Variants in PLEKHG1 observed in about 807,000 individuals in gnomAD.
PLEKHG1 encodes the protein pleckstrin homology and RhoGEF domain containing G1.
In PLEKHG1, 44 loss-of-function variants were observed where a neutral mutation model predicts 100.8. The ratio of observed to expected loss-of-function variants is 0.44; its 90% CI spans 0.34 to 0.56. The LOEUF is 0.56. Ranked by LOEUF, PLEKHG1 falls within the 20% of genes least tolerant of loss-of-function variation. The pLI is 0.01. For synonymous variants in PLEKHG1, 640 were observed against 662.5 expected, an observed-to-expected ratio of 0.97 and a Z score of 0.52; for missense variants, 1,545 against 1,720.9, an observed-to-expected ratio of 0.90 and a Z score of 1.81.
chr6:150,603,099 A>AAAAAG (rs1246228646), intron 1 of PLEKHG1, among the ~76,000 whole-genome samples: 2 of 148,240 alleles, frequency 1.3e-5, no homozygotes, highest in Admixed American at 6.8e-5. Context: ...AAAAATAAAA[A>AAAAAG]AAAAGAAAAG....
intron 1 of PLEKHG1, among the ~76,000 whole-genome samples, chr6:150,732,000 C>T (rs566720389): frequency 0.012 from 1,643 of 137,918 alleles, 35 homozygotes; most frequent in African/African-American, 0.041. Flanking sequence ...CTCTCTCTGT[C>T]GCCCAGTCTG....
At chr6:150,737,850 CTAGAGTG>C (rs1782655546) in intron 2 of PLEKHG1, among the ~76,000 whole-genome samples, 1 of 151,956 alleles carries the variant, frequency 6.6e-6, no homozygotes, top group Non-Finnish European at 1.5e-5. Context: ...ATCACCCAGG[CTAGAGTG>C]CAGTGGCACG....
At chr6:150,821,217 A>G (rs369693017) in exon 13 of PLEKHG1, 4 of 1,612,632 alleles carry the variant, frequency 2.5e-6, no homozygotes, top group East Asian at 2.2e-5. Context: ...GGTCACATAA[A>G]GTTTTGAAGA....
At chr6:150,776,089 A>C (rs1452384085) in intron 3 of PLEKHG1, among the ~76,000 whole-genome samples, 1 of 152,210 alleles carries the variant, frequency 6.6e-6, no homozygotes, top group South Asian at 2.1e-4. Context: ...CCTGCCTCAA[A>C]GTTCGCATCA....
chr6:150,750,427 G>A (rs1783439211), intron 2 of PLEKHG1, among the ~76,000 whole-genome samples: 1 of 152,162 alleles, frequency 6.6e-6, no homozygotes, highest in Non-Finnish European at 1.5e-5. Context: ...AAGTTCTGCA[G>A]ATTCCAGTAG....
chr6:150,681,151 C>T (rs9480529), intron 3 of PLEKHG1, among the ~76,000 whole-genome samples: 27,707 of 152,074 alleles, frequency 0.18, 2,600 homozygotes, highest in South Asian at 0.26. Context: ...TGGGAGTTAG[C>T]GAGTGGTCGG....
intron 3 of PLEKHG1, among the ~76,000 whole-genome samples, chr6:150,671,106 T>A (rs1729088047): frequency 1.3e-5 from 2 of 151,758 alleles, no homozygotes; most frequent in Admixed American, 1.3e-4. Context: ...TATATATATA[T>A]ATATACACAC....
intron 3 of PLEKHG1, among the ~76,000 whole-genome samples, chr6:150,785,502 G>A (rs1281116964): frequency 3.3e-5 from 5 of 152,096 alleles, no homozygotes; most frequent in African/African-American, 1.2e-4. Context: ...ACACAATGAA[G>A]TATTATGCTG....
intron 3 of PLEKHG1, among the ~76,000 whole-genome samples, chr6:150,660,939 G>C (rs946495620): frequency 2.6e-5 from 4 of 152,192 alleles, no homozygotes; most frequent in African/African-American, 9.6e-5. Flanking sequence ...TTGTTGATCT[G>C]CCAAGCTTAA....
chr6:150,802,664 A>ATTTCTTTTTTTTTTT (rs57482989), intron 6 of PLEKHG1, among the ~76,000 whole-genome samples: 1 of 143,414 alleles, frequency 7.0e-6, no homozygotes, highest in Non-Finnish European at 1.5e-5. Context: ...CATTCACATC[A>ATTTCTTTTTTTTTTT]TTTTTTTTTT....
intron 1 of PLEKHG1, among the ~76,000 whole-genome samples, chr6:150,722,370 T>G (rs1206701184): frequency 9.8e-6 from 1 of 101,830 alleles, no homozygotes; most frequent in Admixed American, 1.1e-4. Flanking sequence ...TTTTTTTTTT[T>G]TGAGACTGAG....
chr6:150,840,147 C>T, exon 16 of PLEKHG1: 11 of 1,614,200 alleles, frequency 6.8e-6, no homozygotes, highest in Non-Finnish European at 9.3e-6. Context: ...AACCTCTGAC[C>T]CTCTGCCAGG....
chr6:150,608,067 C>T (rs1540661), intron 1 of PLEKHG1, among the ~76,000 whole-genome samples: 7,791 of 152,184 alleles, frequency 0.051, 283 homozygotes, highest in Middle Eastern at 0.078. Context: ...GAAGCTGAAA[C>T]AGCAAGGAAA....
intron 2 of PLEKHG1, among the ~76,000 whole-genome samples, chr6:150,759,594 C>T (rs1438095247): frequency 6.6e-6 from 1 of 152,130 alleles, no homozygotes; most frequent in Non-Finnish European, 1.5e-5. Flanking sequence ...GAGCCTTTCT[C>T]AGCTTCCGGG....
At chr6:150,761,467 C>T (rs1414707452) in intron 2 of PLEKHG1, among the ~76,000 whole-genome samples, 1 of 152,000 alleles carries the variant, frequency 6.6e-6, no homozygotes, top group Non-Finnish European at 1.5e-5. Context: ...GCCACCACAC[C>T]CAGCTAATTT....
intron 4 of PLEKHG1, among the ~76,000 whole-genome samples, chr6:150,795,459 T>G (rs1020010286): frequency 5.3e-5 from 8 of 152,114 alleles, no homozygotes; most frequent in African/African-American, 1.9e-4. Flanking sequence ...GGCCTTGAAT[T>G]AATTATTCTG....
intron 10 of PLEKHG1, among the ~76,000 whole-genome samples, chr6:150,815,768 T>C (rs533990813): frequency 1.2e-4 from 18 of 152,280 alleles, no homozygotes; most frequent in African/African-American, 4.3e-4. Flanking sequence ...CAAAATAGAG[T>C]AAAATTATTT....
chr6:150,749,606 A>G (rs769910679), intron 2 of PLEKHG1, among the ~76,000 whole-genome samples: 2 of 152,166 alleles, frequency 1.3e-5, no homozygotes, highest in African/African-American at 4.8e-5. Context: ...TTAAAGGACC[A>G]GTTGATAGTC....
Position 150,739,665 on chromosome 6 carries a change from CA to C in PLEKHG1, c.411+5584del, listed in dbSNP as rs370749387. Among the ~76,000 whole-genome samples, 1,050 of 138,480 alleles carry C rather than the reference CA, an allele frequency of 7.6e-3. 15 individuals are homozygous for C. Among genetic ancestry groups the C allele is most frequent in the African/African-American group, 0.025 (954 of 37,790 alleles). The allele number at this position is 138,480 out of a possible 152,430, so 90.8% of individuals were successfully genotyped here. On this transcript the variant is annotated intron_variant, in intron 2 of 15. Transcript: ENST00000358517. ...CTGGAGCAACAGAGTGAGACTCTGT[CA>C]AAAAAAAAAACAAAAAAACAAAAAA...
Sources: allele counts gnomAD v4.1 joint callset (sites outside exome capture counted in the v4.1 genomes callset), GRCh38; gene constraint gnomAD v4.1.1; transcripts MANE v1.5; gene names NCBI Gene and HGNC (gene_info 2026-07-23, HGNC 2026-07-21).